Variants in FOXP2 observed in about 807,000 individuals in gnomAD.
FOXP2 encodes forkhead box P2.
In FOXP2, 12 loss-of-function variants were observed where a neutral mutation model predicts 115.8. The observed-to-expected ratio is 0.10, with a 90% confidence interval of 0.07 to 0.17. FOXP2 has a LOEUF of 0.17. Among genes scored for constraint, FOXP2 ranks in the 10% least tolerant of loss-of-function variants. FOXP2 has a pLI of 1.00. For synonymous variants in FOXP2, 328 were observed against 297.7 expected (o/e 1.10, Z -1.05); for missense variants, 629 against 843.5 (o/e 0.75, Z 3.15).
At position 114,295,496 on chromosome 7, in the gene FOXP2, T is replaced by C. The variant is rs1249890080; in HGVS notation, c.-11+7387T>C. On this transcript the variant is annotated intron_variant, in intron 2 of 17. Coordinates refer to the FOXP2 transcript ENST00000634411. ...AACTACTGTTACATTAGTAATTGTATGAAAATGCTGTAGAAGAGATACCAT... is the reference window on the plus strand; with the variant it reads ...AACTACTGTTACATTAGTAATTGTACGAAAATGCTGTAGAAGAGATACCAT... 5.9e-5 allele frequency among the ~76,000 whole-genome samples: 9 copies of C among 152,232 alleles called. No individual in the cohort carries two copies. The South Asian group carries it at 1.9e-3, about 32-fold the overall frequency.
At chr7:114,164,191 A>G (rs925444756) in intron 1 of FOXP2, among the ~76,000 whole-genome samples, 2 of 152,156 alleles carry the variant, frequency 1.3e-5, no homozygotes, top group African/African-American at 4.8e-5. Flanking sequence ...TCATTCCTGA[A>G]AATCTATAAT....
At chr7:114,523,317 T>C (rs1399805999) in intron 2 of FOXP2, among the ~76,000 whole-genome samples, 3 of 152,172 alleles carry the variant, frequency 2.0e-5, no homozygotes, top group Non-Finnish European at 4.4e-5. Flanking sequence ...ATATTAGCTT[T>C]AGGGTCTCTC....
At chr7:114,363,715 AAACATGCTAGAT>A (rs1791807861) in intron 2 of FOXP2, among the ~76,000 whole-genome samples, 1 of 152,130 alleles carries the variant, frequency 6.6e-6, no homozygotes. Context: ...TGATCTTTTA[AAACATGCTAGAT>A]AAAGATGCTT....
intron 1 of FOXP2, among the ~76,000 whole-genome samples, chr7:114,247,812 G>A (rs1483336514): frequency 6.6e-6 from 1 of 152,132 alleles, no homozygotes; most frequent in East Asian, 1.9e-4. Flanking sequence ...TGAATAAAGA[G>A]TTTTTCTTAA....
rs1463529153 is a variant in FOXP2, at chr7:114,176,301, TC to T, written c.-102+13214del. On this transcript the variant is annotated intron_variant, in intron 1 of 17. Transcript: ENST00000634411. ...CTTTCTTTCTTTCTTTCTTTCTTTC[TC>T]TCTCTCTCTCTCTCTCTCTTTCTTT... 4.8e-3 allele frequency among the ~76,000 whole-genome samples: 533 copies of T among 110,098 alleles called. 6 individuals carry two copies. Among genetic ancestry groups the T allele is most frequent in the African/African-American group, 0.017 (499 of 30,228 alleles). 72.2% of individuals were successfully genotyped at this position (110,098 alleles called of 152,430 possible).
At chr7:114,088,616 G>A (rs1007612207) in intron 1 of FOXP2, among the ~76,000 whole-genome samples, 1 of 152,244 alleles carries the variant, frequency 6.6e-6, no homozygotes, top group Non-Finnish European at 1.5e-5. Context: ...GTGTTTAATA[G>A]CAAGTCTGTG....
intron 1 of FOXP2, among the ~76,000 whole-genome samples, chr7:114,143,092 G>A (rs549537302): frequency 2.6e-5 from 4 of 151,196 alleles, no homozygotes; most frequent in African/African-American, 9.7e-5. Context: ...AGGCTGCCAT[G>A]AGCTGTGGTT....
Position 114,616,307 on chromosome 7 carries a change from C to T in FOXP2, c.259-12233C>T, listed in dbSNP as rs112703762. 9.4e-3 allele frequency among the ~76,000 whole-genome samples: 1,436 copies of T among 152,146 alleles called. 7 individuals are homozygous for T. Among genetic ancestry groups the T allele is most frequent in the Middle Eastern group, 0.017 (5 of 294 alleles). On this transcript the variant is annotated intron_variant, in intron 3 of 16. Coordinates refer to ENST00000350908, the MANE Select transcript of FOXP2 (RefSeq NM_014491.4). ...CCTCTGGTGTAGCTGGGACTACAGG[C>T]GTGTGCCACCACACCTGGCTAATTT...
At chr7:114,303,633 C>G (rs1361526267) in intron 2 of FOXP2, among the ~76,000 whole-genome samples, 1 of 152,048 alleles carries the variant, frequency 6.6e-6, no homozygotes, top group Admixed American at 6.6e-5. Context: ...TTAATCTGCT[C>G]ACCATTTTCT....
intron 2 of FOXP2, among the ~76,000 whole-genome samples, chr7:114,292,475 A>T (rs1001990158): frequency 6.6e-6 from 1 of 152,128 alleles, no homozygotes; most frequent in Non-Finnish European, 1.5e-5. Context: ...AGAATGTGGC[A>T]AAACCCAAAT....
chr7:114,128,003 C>T (rs1791765068), intron 1 of FOXP2, among the ~76,000 whole-genome samples: 1 of 152,058 alleles, frequency 6.6e-6, no homozygotes, highest in Non-Finnish European at 1.5e-5. Flanking sequence ...TAGCTGGTTT[C>T]AGAAATGAAA....
chr7:114,267,847 G>A (rs1209163622), intron 1 of FOXP2, among the ~76,000 whole-genome samples: 1 of 151,300 alleles, frequency 6.6e-6, no homozygotes, highest in Non-Finnish European at 1.5e-5. Flanking sequence ...ATGGTTCAAT[G>A]TCATTAAGCA....
chr7:114,293,639 C>G (rs897111486), intron 2 of FOXP2, among the ~76,000 whole-genome samples: 12 of 152,158 alleles, frequency 7.9e-5, no homozygotes, highest in Admixed American at 2.0e-4. Context: ...GCAGTTCCCC[C>G]ATCCTGTTCT....
intron 2 of FOXP2, among the ~76,000 whole-genome samples, chr7:114,384,253 G>C (rs994313453): frequency 6.6e-6 from 1 of 152,198 alleles, no homozygotes; most frequent in Non-Finnish European, 1.5e-5. Flanking sequence ...GAGTCCTAGA[G>C]CTGGGCTGGG....
chr7:114,334,908 A>T (rs1483659356), intron 2 of FOXP2, among the ~76,000 whole-genome samples: 3 of 138,190 alleles, frequency 2.2e-5, no homozygotes, highest in African/African-American at 7.9e-5. Context: ...GTGTGTATAT[A>T]TATATTTTAT....
chr7:114,612,567 G>C (rs951601997), intron 3 of FOXP2, among the ~76,000 whole-genome samples: 2 of 152,098 alleles, frequency 1.3e-5, no homozygotes, highest in African/African-American at 2.4e-5. Context: ...TGAAGGTACA[G>C]TCCTACTCTT....
intron 1 of FOXP2, among the ~76,000 whole-genome samples, chr7:114,135,607 G>C (rs1792017637): frequency 6.6e-6 from 1 of 152,014 alleles, no homozygotes; most frequent in Non-Finnish European, 1.5e-5. Context: ...ATAACATGTA[G>C]CTTTTTGGTA....
chr7:114,329,801 C>G (rs537960489), intron 2 of FOXP2, among the ~76,000 whole-genome samples: 3 of 151,934 alleles, frequency 2.0e-5, no homozygotes, highest in African/African-American at 7.2e-5. Context: ...CTCAGCCTCC[C>G]AAGTCGCTGG....
At chr7:114,266,089 A>C (rs1795888375) in intron 1 of FOXP2, among the ~76,000 whole-genome samples, 1 of 151,994 alleles carries the variant, frequency 6.6e-6, no homozygotes, top group African/African-American at 2.4e-5. Context: ...AAAACAAAAA[A>C]CTGGACCTAT....
Sources: gnomAD v4.1 joint callset for allele counts (sites outside exome capture counted in the v4.1 genomes callset) on GRCh38, gnomAD v4.1.1 for gene constraint, MANE v1.5 for transcripts, NCBI Gene and HGNC (gene_info 2026-07-23, HGNC 2026-07-21) for gene names.